PRKAB2: variants seen among roughly 807,000 people sequenced by gnomAD.
The protein encoded by PRKAB2 is protein kinase AMP-activated non-catalytic subunit beta 2, also known as 5'-AMP-activated protein kinase subunit beta-2.
A neutral mutation model predicts 29.8 loss-of-function variants in PRKAB2; 18 were observed. The ratio of observed to expected loss-of-function variants is 0.60; its 90% CI spans 0.42 to 0.89. The LOEUF is 0.89. PRKAB2 is among the 40% of genes least tolerant of loss of function. The pLI, the probability that PRKAB2 is intolerant of heterozygous loss-of-function variation, is 0.00. For synonymous variants in PRKAB2, 136 were observed against 125.9 expected, an observed-to-expected ratio of 1.08 and a Z score of -0.54; for missense variants, 270 against 344.3, an observed-to-expected ratio of 0.78 and a Z score of 1.71.
intron 7 of PRKAB2, among the ~76,000 whole-genome samples, chr1:147,159,943 G>A (rs961335186): frequency 6.6e-6 from 1 of 152,056 alleles, no homozygotes; most frequent in Non-Finnish European, 1.5e-5. Flanking sequence ...ACATAAAAGG[G>A]CTGAAGAAAT....
At chr1:147,167,047 A>C in intron 3 of PRKAB2, 108 bp from the exon 4 acceptor site, 2 of 903,440 alleles carry the variant, frequency 2.2e-6, no homozygotes, top group South Asian at 3.1e-5. Context: ...CAGATTCCTA[A>C]GCCATTGTAT....
chr1:147,159,307 TA>T lies in PRKAB2; in HGVS notation c.*257del. On this transcript the variant is annotated 3_prime_UTR_variant, in exon 8 of 8. Coordinates refer to ENST00000254101, the MANE Select transcript of PRKAB2 (RefSeq NM_005399.5). ...GGTGAAAACCCACAGGCAGAAACAA[TA>T]CTTCTAGCTGGGGCTAGGAGGCTTC... 2 of 417,648 alleles carry T rather than the reference TA, an allele frequency of 4.8e-6. No homozygotes were observed. The highest frequency in any genetic ancestry group is 1.3e-3 in the Middle Eastern group (2 of 1,522). The allele number at this position is 417,648 out of a possible 1,614,324, so 25.9% of individuals were successfully genotyped here.
chr1:147,170,032 G>A (rs1408867633), intron 2 of PRKAB2, among the ~76,000 whole-genome samples: 1 of 152,180 alleles, frequency 6.6e-6, no homozygotes, highest in Non-Finnish European at 1.5e-5. Context: ...TGACATTTCT[G>A]TAGTAGGAAT....
At position 147,166,938 on chromosome 1, in the gene PRKAB2, G is replaced by A. The variant is rs782261120; in HGVS notation, c.325C>T (p.His109Tyr). The A allele has an allele frequency of 1.2e-6, 2 of 1,612,430 alleles. No individual in the cohort carries two copies. Among genetic ancestry groups the A allele is most frequent in the Non-Finnish European group, 1.7e-6 (2 of 1,178,724 alleles). ...TCCAGGATGGCAACAAAGTCATTAT[G>A]GCTACAGAAGAAAAAAGAAAGGCAA... is the stretch of plus-strand genomic sequence containing the variant. ...WSTKIPLIKS[H>Y]NDFVAILDLP... Residue 109 changes from histidine (H) to tyrosine (Y), a missense_variant and splice_region_variant, in exon 4 of 8, where the codon CAT (histidine) becomes TAT (tyrosine). His to Tyr is a moderately conservative substitution (Grantham distance 83, BLOSUM62 2). Coordinates refer to ENST00000254101, the MANE Select transcript of PRKAB2 (RefSeq NM_005399.5).
intron 2 of PRKAB2, among the ~76,000 whole-genome samples, chr1:147,170,354 G>A: frequency 6.6e-6 from 1 of 152,090 alleles, no homozygotes; most frequent in East Asian, 1.9e-4. Flanking sequence ...TTTTAATCAG[G>A]ACACCAATTA....
chr1:147,159,392 T>C lies in PRKAB2; in HGVS notation c.*173A>G. 1.8e-6 allele frequency: 1 copy of C among 564,028 alleles called. No homozygotes were observed. Among genetic ancestry groups the C allele is most frequent in the Admixed American group, 3.2e-5 (1 of 30,996 alleles). 34.9% of individuals were successfully genotyped at this position (564,028 alleles called of 1,614,324 possible). A position where few individuals can be genotyped will look rare whatever the true frequency, so the allele number is the denominator to read the frequency against. On this transcript the variant is annotated 3_prime_UTR_variant, in exon 8 of 8. Transcript: ENST00000254101. ...TCTTAAAATAAATTCCGTGAACTCATAAAGCTCTCATCTGCAATCAAATGC... is the reference window on the plus strand; with the variant it reads ...TCTTAAAATAAATTCCGTGAACTCACAAAGCTCTCATCTGCAATCAAATGC...
At position 147,166,254 on chromosome 1, in the gene PRKAB2, T is replaced by C. The variant is rs587682279; in HGVS notation, c.538+244A>G. On this transcript the variant is annotated intron_variant, in intron 5 of 7. Coordinates refer to ENST00000254101, the MANE Select transcript of PRKAB2 (RefSeq NM_005399.5). ...TGATTATAAAAGATAACATGGAAAA[T>C]AGAGTGTATCCCATGTAATAAGGTA... 3.9e-5 allele frequency among the ~76,000 whole-genome samples: 6 copies of C among 152,142 alleles called. No homozygotes were observed. The East Asian group carries it at 9.7e-4, about 25-fold the overall frequency.
In PRKAB2 at chr1:147,156,978, T is replaced by C. The variant is rs1653705639; in HGVS notation, c.*2587A>G. On this transcript the variant is annotated 3_prime_UTR_variant, in exon 8 of 8. Coordinates refer to ENST00000254101, the MANE Select transcript of PRKAB2 (RefSeq NM_005399.5). ...TCTTCCCCACAATTCCGAAACTATGTTGAAGTTCTTTAAAGGTCGGCCCTC... is the reference window on the plus strand; with the variant it reads ...TCTTCCCCACAATTCCGAAACTATGCTGAAGTTCTTTAAAGGTCGGCCCTC... The C allele has an allele frequency of 6.6e-6, 1 of 152,134 alleles. No homozygotes were observed. The highest frequency in any genetic ancestry group is 2.1e-4 in the South Asian group (1 of 4,830). 9.4% of individuals were successfully genotyped at this position (152,134 alleles called of 1,614,324 possible).
intron 2 of PRKAB2, among the ~76,000 whole-genome samples, chr1:147,168,604 C>G (rs1486177374): frequency 6.6e-6 from 1 of 152,148 alleles, no homozygotes; most frequent in Non-Finnish European, 1.5e-5. Context: ...CCTCAAGAAG[C>G]AAGAGATCAA....
Position 147,166,424 on chromosome 1 carries a change from T to C in PRKAB2, c.538+74A>G, listed in dbSNP as rs1654254443. On this transcript the variant is annotated intron_variant, in intron 5 of 7. Coordinates refer to ENST00000254101, the MANE Select transcript of PRKAB2 (RefSeq NM_005399.5). ...CTCTCTCTCTCCCTCTATATGTATA[T>C]ACACACATAAACAACTTTTAGGAAG... is the stretch of plus-strand genomic sequence containing the variant. 5.3e-6 allele frequency: 8 copies of C among 1,511,474 alleles called. No individual in the cohort carries two copies. In the South Asian group the frequency reaches 8.7e-5, roughly 16 times the overall value. The allele number at this position is 1,511,474 out of a possible 1,614,324, so 93.6% of individuals were successfully genotyped here.
rs1553913719 is a variant in PRKAB2 at position 147,166,503 on chromosome 1, C to T, written c.533G>A (p.Cys178Tyr). The change falls in exon 5 of 8, where the codon TGT becomes TAT. Residue 178 changes from cysteine to tyrosine, a missense_variant. Coordinates refer to ENST00000254101, the MANE Select transcript of PRKAB2 (RefSeq NM_005399.5). The part of the protein sequence containing the change: ...LDSMESSETS[C>Y]RDLSSSPPGP... Reference sequence around the variant, plus strand: ...AGTAAATAATACAAAATTACCTCTACAAGATGTCTCAGAACTTTCCATAGA... The same window carrying T: ...AGTAAATAATACAAAATTACCTCTATAAGATGTCTCAGAACTTTCCATAGA... The T allele has an allele frequency of 6.2e-7, 1 of 1,613,268 alleles. No individual in the cohort carries two copies. Among genetic ancestry groups the T allele is most frequent in the South Asian group, 1.1e-5 (1 of 91,016 alleles).
chr1:147,163,738 G>T (rs78332075), intron 5 of PRKAB2, among the ~76,000 whole-genome samples: 5,352 of 152,116 alleles, frequency 0.035, 134 homozygotes, highest in Non-Finnish European at 0.058. Context: ...TATTCTGCGG[G>T]TGATAAAAAT....
At position 147,157,235 on chromosome 1, in the gene PRKAB2, T is replaced by G. The variant is rs1343204621; in HGVS notation, c.*2330A>C. The G allele has an allele frequency of 3.3e-5, 5 of 152,192 alleles. No individual in the cohort carries two copies. The highest frequency in any genetic ancestry group is 1.2e-4 in the African/African-American group (5 of 41,552). 9.4% of individuals were successfully genotyped at this position (152,192 alleles called of 1,614,324 possible). A position where few individuals can be genotyped will look rare whatever the true frequency, so the allele number is the denominator to read the frequency against. On this transcript the variant is annotated 3_prime_UTR_variant, in exon 8 of 8. Transcript: ENST00000254101. Reference sequence around the variant, plus strand: ...CTTCCAAATAGACTGAGATAAGGCTTCTCAGAACCATGGGATGTATCAGCA... The same window carrying G: ...CTTCCAAATAGACTGAGATAAGGCTGCTCAGAACCATGGGATGTATCAGCA...
rs1553913717 is a variant in PRKAB2 at position 147,166,486 on chromosome 1, A to G, written c.538+12T>C. On this transcript the variant is annotated intron_variant, in intron 5 of 7. Transcript: ENST00000254101. ...AAGACACAGCAAGAGAGAGTAAATA[A>G]TACAAAATTACCTCTACAAGATGTC... 6.2e-7 allele frequency: 1 copy of G among 1,611,728 alleles called. No homozygotes were observed. Among genetic ancestry groups the G allele is most frequent in the Admixed American group, 1.7e-5 (1 of 59,522 alleles).
At position 147,162,532 on chromosome 1, in the gene PRKAB2, A is replaced by T; in HGVS notation, c.580T>A (p.Tyr194Asn). Residue 194 changes from tyrosine to asparagine, a missense_variant, in exon 6 of 8, where the codon TAT becomes AAT. Around this residue, in one of 2 missense-constraint regions of PRKAB2, gnomAD observed 228 missense variants for 255.5 expected, o/e 0.89. Transcript: ENST00000254101. The part of the protein sequence containing the change: ...SPPGPYGQEM[Y>N]AFRSEERFKS... ...AATCTTTCCTCAGATCGAAACGCAT[A>T]CATTTCTTGACCATAAGGCCCTGGG... is the stretch of plus-strand genomic sequence containing the variant. The T allele has an allele frequency of 6.2e-7, 1 of 1,612,294 alleles. No individual in the cohort carries two copies. The highest frequency in any genetic ancestry group is 8.5e-7 in the Non-Finnish European group (1 of 1,178,460).
At position 147,172,059 on chromosome 1, in the gene PRKAB2, G is replaced by C. The variant is rs782351168; in HGVS notation, c.86C>G (p.Pro29Arg). The part of the protein sequence containing the change: ...ARSEGAGGHA[P>R]GKEHKIMVGS... ...CACCATGATCTTGTGCTCCTTCCCC[G>C]GGGCATGGCCGCCTGCGCCCTCGGA... Residue 29 changes from proline (P) to arginine (R), a missense_variant, in exon 2 of 8, where the codon CCG (proline) becomes CGG (arginine). Transcript: ENST00000254101. 4 of 1,581,838 alleles carry C rather than the reference G, an allele frequency of 2.5e-6. No individual in the cohort carries two copies. Among genetic ancestry groups the C allele is most frequent in the East Asian group, 4.7e-5 (2 of 42,496 alleles).
intron 2 of PRKAB2, 117 bp from the exon 3 acceptor site, chr1:147,168,050 A>C (rs1654339313): frequency 5.6e-6 from 6 of 1,065,440 alleles, no homozygotes; most frequent in Non-Finnish European, 7.9e-6. Context: ...TATAAACCCC[A>C]AAATTAGCAA....
At chr1:147,161,573 AG>A in intron 7 of PRKAB2, 138 bp downstream of exon 7, 1 of 714,080 alleles carries the variant, frequency 1.4e-6, no homozygotes, top group South Asian at 2.1e-5. Context: ...GTTAAAAAAA[AG>A]AGAGTTCTTC....
At chr1:147,169,415 C>G (rs1034914698) in intron 2 of PRKAB2, among the ~76,000 whole-genome samples, 1 of 152,040 alleles carries the variant, frequency 6.6e-6, no homozygotes, top group African/African-American at 2.4e-5. Context: ...TAACTGGCTG[C>G]GTTAGAATTA....
Sources: gnomAD v4.1 joint callset for allele counts (sites outside exome capture counted in the v4.1 genomes callset) on GRCh38, gnomAD v4.1.1 for gene constraint, gnomAD v4.1.1 regional missense constraint, MANE v1.5 for transcripts, NCBI Gene and HGNC (gene_info 2026-07-23, HGNC 2026-07-21) for gene names.